EPHA6: variants seen among roughly 807,000 people sequenced by gnomAD.
EPHA6 encodes ephrin type-A receptor 6.
Under a neutral mutation model 112.0 loss-of-function variants are expected in EPHA6, and 50 were observed. The ratio of observed to expected loss-of-function variants is 0.45; its 90% CI spans 0.36 to 0.56. The LOEUF (loss-of-function observed/expected upper bound fraction) is 0.56. EPHA6 is among the 20% of genes least tolerant of loss of function. The pLI, the probability that EPHA6 is intolerant of heterozygous loss-of-function variation, is 0.00. For missense variants in EPHA6, 1,280 were observed against 1,417.4 expected, an observed-to-expected ratio of 0.90 and a Z score of 1.56; for synonymous variants, 529 against 490.7, an observed-to-expected ratio of 1.08 and a Z score of -1.03.
At chr3:97,284,542 C>G (rs1423683084) in intron 5 of EPHA6, among the ~76,000 whole-genome samples, 1 of 152,186 alleles carries the variant, frequency 6.6e-6, no homozygotes, top group Non-Finnish European at 1.5e-5. Context: ...ACTACCTCTA[C>G]TCCTCTACTG....
At chr3:97,566,298 C>T (rs1197348247) in intron 11 of EPHA6, among the ~76,000 whole-genome samples, 1 of 152,148 alleles carries the variant, frequency 6.6e-6, no homozygotes, top group Non-Finnish European at 1.5e-5. Context: ...CCCCATTACC[C>T]AGTCTTCTCC....
intron 10 of EPHA6, among the ~76,000 whole-genome samples, chr3:97,507,384 A>T (rs954782769): frequency 6.6e-6 from 1 of 152,134 alleles, no homozygotes; most frequent in Non-Finnish European, 1.5e-5. Flanking sequence ...GGAGTGTCGA[A>T]TTTTATCGAA....
chr3:97,263,112 G>T (rs1346426777), intron 5 of EPHA6, among the ~76,000 whole-genome samples: 4 of 152,094 alleles, frequency 2.6e-5, no homozygotes, highest in Non-Finnish European at 4.4e-5. Flanking sequence ...TTAGCATTTT[G>T]TATAAAAGTT....
At chr3:96,895,182 G>T (rs2038199332) in intron 2 of EPHA6, among the ~76,000 whole-genome samples, 1 of 152,074 alleles carries the variant, frequency 6.6e-6, no homozygotes, top group Admixed American at 6.5e-5. Context: ...AGTGGGACAG[G>T]ATAAGGAGGT....
At chr3:96,937,123 C>A (rs970581079) in intron 2 of EPHA6, among the ~76,000 whole-genome samples, 1 of 152,036 alleles carries the variant, frequency 6.6e-6, no homozygotes, top group Non-Finnish European at 1.5e-5. Context: ...GGGTATATAC[C>A]CAGTAATGGG....
chr3:97,205,374 T>A (rs187370276), intron 3 of EPHA6, among the ~76,000 whole-genome samples: 1 of 152,042 alleles, frequency 6.6e-6, no homozygotes, highest in East Asian at 1.9e-4. Flanking sequence ...TAGAATTTAT[T>A]TATTAAATAT....
chr3:97,044,145 A>C (rs2045422373), intron 3 of EPHA6, among the ~76,000 whole-genome samples: 1 of 152,194 alleles, frequency 6.6e-6, no homozygotes, highest in South Asian at 2.1e-4. Flanking sequence ...CATGTGACAA[A>C]GTCCTTTTTA....
intron 1 of EPHA6, among the ~76,000 whole-genome samples, chr3:96,847,600 A>G (rs1402802021): frequency 2.0e-5 from 3 of 152,272 alleles, no homozygotes; most frequent in South Asian, 2.1e-4. Context: ...AATTTATGAA[A>G]CGAAACATTT....
chr3:97,189,162 G>A (rs1337854279), intron 3 of EPHA6, among the ~76,000 whole-genome samples: 2 of 151,860 alleles, frequency 1.3e-5, no homozygotes, highest in African/African-American at 4.8e-5. Flanking sequence ...ACATCATCAA[G>A]TACAATTTCT....
chr3:96,905,448 C>T (rs72916410), intron 2 of EPHA6, among the ~76,000 whole-genome samples: 2,355 of 151,576 alleles, frequency 0.016, 59 homozygotes, highest in African/African-American at 0.048. Context: ...TCCTGAATTC[C>T]TCTGATTATG....
At chr3:97,531,185 A>G (rs942103108) in intron 10 of EPHA6, among the ~76,000 whole-genome samples, 1 of 152,048 alleles carries the variant, frequency 6.6e-6, no homozygotes, top group Non-Finnish European at 1.5e-5. Context: ...AGGATTATGG[A>G]AGATTTTATT....
intron 10 of EPHA6, among the ~76,000 whole-genome samples, chr3:97,509,353 C>T (rs189104048): frequency 0.044 from 6,743 of 152,062 alleles, 416 homozygotes; most frequent in African/African-American, 0.14. Flanking sequence ...TTAGTGCTTC[C>T]TTCAGGAGCT....
At chr3:97,602,219 G>A (rs904882197) in intron 12 of EPHA6, among the ~76,000 whole-genome samples, 1 of 151,834 alleles carries the variant, frequency 6.6e-6, no homozygotes, top group African/African-American at 2.4e-5. Flanking sequence ...ATTTTTAATG[G>A]AACCTTAAGA....
chr3:97,732,837 C>T (rs1327676014), intron 15 of EPHA6, among the ~76,000 whole-genome samples: 3 of 152,132 alleles, frequency 2.0e-5, no homozygotes, highest in East Asian at 1.9e-4. Flanking sequence ...CACTGTCACT[C>T]TTGCTGTTAT....
intron 1 of EPHA6, among the ~76,000 whole-genome samples, chr3:96,847,547 G>A (rs542074417): frequency 1.8e-4 from 28 of 152,024 alleles, no homozygotes; most frequent in African/African-American, 5.8e-4. Flanking sequence ...GAATCGATAG[G>A]TCATGCTATG....
intron 5 of EPHA6, among the ~76,000 whole-genome samples, chr3:97,371,168 A>G (rs1034334175): frequency 6.6e-6 from 1 of 151,866 alleles, no homozygotes; most frequent in Non-Finnish European, 1.5e-5. Flanking sequence ...TTTAGGTAAT[A>G]TGTTTTATGC....
At chr3:97,364,335 GGAGTTT>G (rs2084583401) in intron 5 of EPHA6, among the ~76,000 whole-genome samples, 1 of 150,468 alleles carries the variant, frequency 6.6e-6, no homozygotes, top group Non-Finnish European at 1.5e-5. Context: ...CCAATTTTTT[GGAGTTT>G]TAGTTTTTTT....
chr3:97,450,516 T>C (rs1009892396), intron 7 of EPHA6, among the ~76,000 whole-genome samples: 1 of 152,056 alleles, frequency 6.6e-6, no homozygotes, highest in Admixed American at 6.6e-5. Context: ...GTCATTTGTG[T>C]TCATTTGGGA....
At chr3:96,863,786 A>G (rs1334029383) in intron 1 of EPHA6, among the ~76,000 whole-genome samples, 1 of 152,034 alleles carries the variant, frequency 6.6e-6, no homozygotes, top group Non-Finnish European at 1.5e-5. Context: ...TAATTCCTAT[A>G]TAAAACTTAT....
Sources: allele counts gnomAD v4.1 joint callset (sites outside exome capture counted in the v4.1 genomes callset), GRCh38; gene constraint gnomAD v4.1.1; transcripts MANE v1.5; gene names NCBI Gene and HGNC (gene_info 2026-07-23, HGNC 2026-07-21).